The following ZNF141 variants were observed in gnomAD, a reference collection of about 807,000 sequenced individuals.
ZNF141 encodes the protein zinc finger protein 141 (clone pHZ-44).
In ZNF141, 7 loss-of-function variants were observed where a neutral mutation model predicts 11.3. That is an observed-to-expected ratio of 0.62 (90% CI 0.35 to 1.16). The LOEUF (loss-of-function observed/expected upper bound fraction) is 1.16, where lower values mean the gene tolerates loss of function less well. ZNF141 is among the 50% of genes most tolerant of loss of function. The pLI is 0.02. For synonymous variants in ZNF141, 183 were observed against 190.7 expected (o/e 0.96, Z 0.33); for missense variants, 535 against 554.0 (o/e 0.97, Z 0.34).
In ZNF141 at chr4:384,634, A is replaced by T. The variant is rs1375519004; in HGVS notation, c.*10772A>T. The T allele has an allele frequency of 6.6e-6, 1 of 152,086 alleles. No individual in the cohort carries two copies. The highest frequency in any genetic ancestry group is 1.5e-5 in the Non-Finnish European group (1 of 68,044). The allele number at this position is 152,086 out of a possible 1,614,324, so 9.4% of individuals were successfully genotyped here. On this transcript the variant is annotated 3_prime_UTR_variant, in exon 4 of 4. Transcript: ENST00000240499. ...CACCTGCTGTCGGTTTTGCTTGGGC[A>T]CTCATGGGTAATAACCAAGATGGAG...
At chr4:353,460 A>ATT (rs1203936122) in intron 3 of ZNF141, among the ~76,000 whole-genome samples, 4 of 122,944 alleles carry the variant, frequency 3.3e-5, no homozygotes, top group South Asian at 2.7e-4. Flanking sequence ...TATTATTATT[A>ATT]TTATTATTTT....
chr4:357,201 G>A (rs541408945), intron 3 of ZNF141, among the ~76,000 whole-genome samples: 51 of 152,190 alleles, frequency 3.4e-4, no homozygotes, highest in African/African-American at 1.2e-3. Context: ...TCAAGCACTT[G>A]ATTTGACCTC....
chr4:380,861 T>G lies in ZNF141; in HGVS notation c.*6999T>G, dbSNP rs1483737099. On this transcript the variant is annotated 3_prime_UTR_variant, in exon 4 of 4. Coordinates refer to ENST00000240499, the MANE Select transcript of ZNF141 (RefSeq NM_003441.4). ...TCTTAAACACATTCTTAATAAAAAT[T>G]TAACAAAAATTGTTAAATGTTGTCA... Among the ~76,000 whole-genome samples the G allele has an allele frequency of 6.6e-6, 1 of 152,102 alleles. No homozygotes were observed. Among genetic ancestry groups the G allele is most frequent in the Non-Finnish European group, 1.5e-5 (1 of 68,020 alleles).
At chr4:367,068 A>T (rs1581618406) in intron 3 of ZNF141, among the ~76,000 whole-genome samples, 1 of 152,264 alleles carries the variant, frequency 6.6e-6, no homozygotes, top group East Asian at 1.9e-4. Context: ...TCAATACAGT[A>T]AAGACCCTAT....
Position 379,639 on chromosome 4 carries a change from C to T in ZNF141, c.*5777C>T, listed in dbSNP as rs1402896829. On this transcript the variant is annotated 3_prime_UTR_variant, in exon 4 of 4. Coordinates refer to ENST00000240499, the MANE Select transcript of ZNF141 (RefSeq NM_003441.4). ...CCTGCCACCTTGGCCTCCCAAAGTT[C>T]TGGAATTACAGGCGTGAGCCACTGC... 1.3e-5 allele frequency among the ~76,000 whole-genome samples: 2 copies of T among 152,172 alleles called. No individual in the cohort carries two copies. Among genetic ancestry groups the T allele is most frequent in the African/African-American group, 4.8e-5 (2 of 41,434 alleles).
intron 3 of ZNF141, among the ~76,000 whole-genome samples, chr4:358,884 A>AT (rs1437778359): frequency 3.3e-5 from 5 of 152,064 alleles, no homozygotes; most frequent in African/African-American, 1.2e-4. Flanking sequence ...TCTTATTGAG[A>AT]TTTTTTAAGA....
rs568453926 is a variant in ZNF141 at position 343,272 on chromosome 4, G to A, written c.4-510G>A. Reference sequence around the variant, plus strand: ...GTCAGTGTAGCCCATTATTTTTATTGCAGCAACAGAAACTCTTGGAATGCC... The same window carrying A: ...GTCAGTGTAGCCCATTATTTTTATTACAGCAACAGAAACTCTTGGAATGCC... On this transcript the variant is annotated intron_variant, in intron 1 of 3. Transcript: ENST00000240499. Among the ~76,000 whole-genome samples, 148 of 152,176 alleles carry A rather than the reference G, an allele frequency of 9.7e-4. 1 individual carries two copies. Among genetic ancestry groups the A allele is most frequent in the African/African-American group, 3.4e-3 (142 of 41,536 alleles).
intron 3 of ZNF141, among the ~76,000 whole-genome samples, chr4:357,188 A>T (rs1721881749): frequency 6.6e-6 from 1 of 151,952 alleles, no homozygotes; most frequent in Non-Finnish European, 1.5e-5. Context: ...TGAACTCCTG[A>T]CCTCAAGCAC....
intron 3 of ZNF141, among the ~76,000 whole-genome samples, chr4:357,475 A>G (rs1446479626): frequency 2.0e-5 from 3 of 151,844 alleles, no homozygotes; most frequent in Admixed American, 6.6e-5. Flanking sequence ...TTTAATTATA[A>G]TGTGTCCTGA....
Position 381,368 on chromosome 4 carries a change from A to T in ZNF141, c.*7506A>T, listed in dbSNP as rs547847123. Among the ~76,000 whole-genome samples the T allele has an allele frequency of 7.3e-5, 11 of 151,284 alleles. No individual in the cohort carries two copies. In the South Asian group the frequency reaches 2.3e-3, roughly 32 times the overall value. ...ACCCCTAGAACTAAGAAAGAACCAA[A>T]AAGTTACTATTTAATACAGACTTCA... On this transcript the variant is annotated 3_prime_UTR_variant, in exon 4 of 4. Coordinates refer to ENST00000240499, the MANE Select transcript of ZNF141 (RefSeq NM_003441.4).
chr4:370,259 T>G (rs1379115433), intron 3 of ZNF141, among the ~76,000 whole-genome samples: 1 of 152,190 alleles, frequency 6.6e-6, no homozygotes, highest in Non-Finnish European at 1.5e-5. Context: ...GAAAAACTTT[T>G]TTGCACTATT....
At chr4:344,192 T>C (rs1581582913) in intron 2 of ZNF141, 143 bp from the exon 3 acceptor site, 1 of 904,210 alleles carries the variant, frequency 1.1e-6, no homozygotes, top group East Asian at 2.8e-5. Context: ...TTAAATATTC[T>C]AAAGATTCTG....
intron 3 of ZNF141, chr4:358,411 C>G: frequency 3.6e-6 from 1 of 279,702 alleles, no homozygotes; most frequent in Non-Finnish European, 7.0e-6. Flanking sequence ...GTCTCGAACT[C>G]CTGACCTCAA....
chr4:379,659 C>T lies in ZNF141; in HGVS notation c.*5797C>T, dbSNP rs1553855169. Among the ~76,000 whole-genome samples the T allele has an allele frequency of 6.6e-6, 1 of 152,188 alleles. No individual in the cohort carries two copies. Among genetic ancestry groups the T allele is most frequent in the Non-Finnish European group, 1.5e-5 (1 of 68,034 alleles). ...AAGTTCTGGAATTACAGGCGTGAGCCACTGCGCCCAGCCTCTATGGTTATT... is the reference window on the plus strand; with the variant it reads ...AAGTTCTGGAATTACAGGCGTGAGCTACTGCGCCCAGCCTCTATGGTTATT... On this transcript the variant is annotated 3_prime_UTR_variant, in exon 4 of 4. Transcript: ENST00000240499.
At position 383,182 on chromosome 4, in the gene ZNF141, A is replaced by G; in HGVS notation, c.*9320A>G. 2.9e-6 allele frequency: 2 copies of G among 701,020 alleles called. No homozygotes were observed. The highest frequency in any genetic ancestry group is 5.2e-6 in the Non-Finnish European group (2 of 384,344). 43.4% of individuals were successfully genotyped at this position (701,020 alleles called of 1,614,324 possible). On this transcript the variant is annotated 3_prime_UTR_variant, in exon 4 of 4. Transcript: ENST00000240499. The stretch of plus-strand genomic sequence containing the variant: ...AGCCAAAGTGCCTCAGTTTACAGAC[A>G]GCTCACTCACAGAAGCAGAGCCACC...
Position 379,671 on chromosome 4 carries a change from C to G in ZNF141, c.*5809C>G, listed in dbSNP as rs2108661364. 6.6e-6 allele frequency among the ~76,000 whole-genome samples: 1 copy of G among 152,314 alleles called. No individual in the cohort carries two copies. The highest frequency in any genetic ancestry group is 1.9e-4 in the East Asian group (1 of 5,188). On this transcript the variant is annotated 3_prime_UTR_variant, in exon 4 of 4. Coordinates refer to ENST00000240499, the MANE Select transcript of ZNF141 (RefSeq NM_003441.4). ...TACAGGCGTGAGCCACTGCGCCCAG[C>G]CTCTATGGTTATTATATTACAAAAA...
In ZNF141 at chr4:352,638, C is replaced by T. The variant is rs536647537; in HGVS notation, c.226+8208C>T. On this transcript the variant is annotated intron_variant, in intron 3 of 3. Coordinates refer to ENST00000240499, the MANE Select transcript of ZNF141 (RefSeq NM_003441.4). ...GAAAAGGGTATTTCTTTGCAATAAG[C>T]GTTTCTTGCGGATCACAAAGGATTG... 7.2e-5 allele frequency among the ~76,000 whole-genome samples: 11 copies of T among 152,188 alleles called. No homozygotes were observed. In the East Asian group the frequency reaches 1.4e-3, roughly 19 times the overall value.
chr4:360,024 G>A (rs1722031216), intron 3 of ZNF141, among the ~76,000 whole-genome samples: 1 of 152,176 alleles, frequency 6.6e-6, no homozygotes, highest in Non-Finnish European at 1.5e-5. Flanking sequence ...CCAAATGATA[G>A]CTATGTTTAC....
Position 382,972 on chromosome 4 carries a change from C to A in ZNF141, c.*9110C>A, listed in dbSNP as rs554777888. On this transcript the variant is annotated 3_prime_UTR_variant, in exon 4 of 4. Transcript: ENST00000240499. ...CTTGGAAATGGCTTTTATAGTCGTT[C>A]CTATCAAGAGACAGATTCTGTTTCC... 1.6e-5 allele frequency: 8 copies of A among 503,268 alleles called. No individual in the cohort carries two copies. In the East Asian group the frequency reaches 2.5e-4, roughly 16 times the overall value. The allele number at this position is 503,268 out of a possible 1,614,324, so 31.2% of individuals were successfully genotyped here.
Sources: gnomAD v4.1 joint callset for allele counts (sites outside exome capture counted in the v4.1 genomes callset) on GRCh38, gnomAD v4.1.1 for gene constraint, MANE v1.5 for transcripts, NCBI Gene and HGNC (gene_info 2026-07-23, HGNC 2026-07-21) for gene names.